Variants in ITFG1 observed in about 807,000 individuals in gnomAD.
ITFG1 encodes the protein T-cell immunomodulatory protein.
ITFG1 carries 34 observed loss-of-function variants against 81.8 expected under a neutral mutation model. The observed-to-expected ratio is 0.42, with a 90% CI of 0.32 to 0.55. The LOEUF is 0.55. Ranked by LOEUF, ITFG1 falls within the 20% of genes least tolerant of loss-of-function variation. The probability of loss-of-function intolerance (pLI) is 0.17; values close to 1 mark genes in which losing one functional copy is unlikely to be tolerated. For synonymous variants in ITFG1, 285 were observed against 270.6 expected (o/e 1.05, Z -0.52); for missense variants, 672 against 755.4 (o/e 0.89, Z 1.29).
chr16:47,328,580 A>T (rs1229252057), intron 8 of ITFG1, among the ~76,000 whole-genome samples: 1 of 152,142 alleles, frequency 6.6e-6, no homozygotes, highest in Non-Finnish European at 1.5e-5. Flanking sequence ...GTTAAAACAG[A>T]AGAAAAATAC....
intron 7 of ITFG1, among the ~76,000 whole-genome samples, 172 bp downstream of exon 7, chr16:47,375,704 C>T (rs1968315329): frequency 6.6e-6 from 1 of 152,238 alleles, no homozygotes; most frequent in East Asian, 1.9e-4. Flanking sequence ...GAATGAATCA[C>T]TTCCTTCAGA....
At chr16:47,421,855 T>A (rs1968954581) in intron 6 of ITFG1, among the ~76,000 whole-genome samples, 1 of 152,036 alleles carries the variant, frequency 6.6e-6, no homozygotes, top group Non-Finnish European at 1.5e-5. Flanking sequence ...CAGGGTCTGG[T>A]GTGTGATGTT....
chr16:47,359,151 A>C (rs1261657484), intron 8 of ITFG1, among the ~76,000 whole-genome samples: 2 of 152,206 alleles, frequency 1.3e-5, no homozygotes, highest in African/African-American at 4.8e-5. Flanking sequence ...AGGTGCATTT[A>C]TAATGTTAGA....
intron 12 of ITFG1, among the ~76,000 whole-genome samples, chr16:47,239,547 G>A (rs1330121380): frequency 6.6e-6 from 1 of 152,064 alleles, no homozygotes; most frequent in Non-Finnish European, 1.5e-5. Flanking sequence ...AAGATACAGA[G>A]TATGTAAGGT....
At chr16:47,394,167 A>C (rs1251240816) in intron 6 of ITFG1, among the ~76,000 whole-genome samples, 1 of 152,218 alleles carries the variant, frequency 6.6e-6, no homozygotes, top group Non-Finnish European at 1.5e-5. Flanking sequence ...TTCACAAAAG[A>C]TTCACTGTGG....
intron 6 of ITFG1, among the ~76,000 whole-genome samples, chr16:47,386,768 C>T (rs899327107): frequency 6.6e-6 from 1 of 152,206 alleles, no homozygotes; most frequent in African/African-American, 2.4e-5. Context: ...AGGGATTCTG[C>T]CCAGGAGAAG....
intron 14 of ITFG1, among the ~76,000 whole-genome samples, chr16:47,183,587 G>C (rs904217026): frequency 4.6e-5 from 7 of 152,188 alleles, no homozygotes; most frequent in Non-Finnish European, 8.8e-5. Flanking sequence ...CTGTCTGTTA[G>C]AAGGAAAACT....
intron 8 of ITFG1, among the ~76,000 whole-genome samples, chr16:47,349,623 A>G (rs1967918945): frequency 6.6e-6 from 1 of 152,176 alleles, no homozygotes; most frequent in South Asian, 2.1e-4. Flanking sequence ...AGACTTTAAC[A>G]CCCAACTGTC....
intron 14 of ITFG1, among the ~76,000 whole-genome samples, chr16:47,195,877 C>G (rs1369850728): frequency 1.3e-5 from 2 of 152,070 alleles, no homozygotes; most frequent in Admixed American, 1.3e-4. Flanking sequence ...TCACCCTGCA[C>G]CCCCCAACAG....
intron 6 of ITFG1, among the ~76,000 whole-genome samples, chr16:47,407,656 T>G (rs1397297727): frequency 6.6e-6 from 1 of 152,142 alleles, no homozygotes; most frequent in East Asian, 1.9e-4. Context: ...CAACTCAACA[T>G]TTTGACAGAA....
intron 8 of ITFG1, among the ~76,000 whole-genome samples, chr16:47,344,392 C>A (rs953918296): frequency 2.6e-5 from 4 of 152,074 alleles, no homozygotes; most frequent in African/African-American, 9.7e-5. Context: ...TGGAAGTATT[C>A]CAAAACTGAG....
At chr16:47,312,801 T>C (rs1249515472) in intron 9 of ITFG1, 1 of 152,192 alleles carries the variant, frequency 6.6e-6, no homozygotes, top group Non-Finnish European at 1.5e-5. Context: ...ACACTGATAA[T>C]AGTCACCAAA....
At chr16:47,189,868 A>C (rs544583560) in intron 14 of ITFG1, among the ~76,000 whole-genome samples, 51 of 152,366 alleles carry the variant, frequency 3.3e-4, no homozygotes, top group Non-Finnish European at 6.0e-4. Flanking sequence ...TGTGAAAAAT[A>C]ATGCAAAGGG....
intron 1 of ITFG1, 64 bp downstream of exon 1, chr16:47,460,774 G>T: frequency 6.4e-7 from 1 of 1,561,916 alleles, no homozygotes; most frequent in Admixed American, 1.8e-5. Flanking sequence ...TGGGCAATGG[G>T]TTTGGGGAAC....
intron 13 of ITFG1, among the ~76,000 whole-genome samples, chr16:47,227,732 T>C (rs1320499178): frequency 1.3e-5 from 2 of 152,210 alleles, no homozygotes; most frequent in Non-Finnish European, 2.9e-5. Flanking sequence ...TCATTGGCTC[T>C]GGATGATGAA....
At chr16:47,361,940 C>T (rs560314776) in intron 8 of ITFG1, among the ~76,000 whole-genome samples, 5 of 152,116 alleles carry the variant, frequency 3.3e-5, no homozygotes, top group Non-Finnish European at 7.4e-5. Context: ...GCTCTCACAC[C>T]TGCCCTGGCT....
chr16:47,174,614 A>T (rs182417978), intron 14 of ITFG1, among the ~76,000 whole-genome samples: 6 of 152,156 alleles, frequency 3.9e-5, no homozygotes, highest in Non-Finnish European at 8.8e-5. Context: ...TCCGCCTCCC[A>T]CGTTCAAGCA....
intron 14 of ITFG1, among the ~76,000 whole-genome samples, chr16:47,166,297 T>C (rs764498186): frequency 6.6e-5 from 10 of 152,234 alleles, no homozygotes; most frequent in Non-Finnish European, 1.3e-4. Context: ...AAATTGCCTA[T>C]GCAATAAGCA....
chr16:47,212,311 T>C (rs1965572765), intron 14 of ITFG1, among the ~76,000 whole-genome samples: 2 of 152,190 alleles, frequency 1.3e-5, no homozygotes, highest in South Asian at 4.1e-4. Context: ...CCTCCAGGGC[T>C]CAAGTGATCC....
Sources: gnomAD v4.1 joint callset for allele counts (sites outside exome capture counted in the v4.1 genomes callset) on GRCh38, gnomAD v4.1.1 for gene constraint, MANE v1.5 for transcripts, NCBI Gene and HGNC (gene_info 2026-07-23, HGNC 2026-07-21) for gene names.